The following CCDC88C variants were observed in gnomAD, a reference collection of about 807,000 sequenced individuals.
CCDC88C encodes coiled-coil and HOOK domain protein 88C.
A neutral mutation model predicts 198.8 loss-of-function variants in CCDC88C; 131 were observed. The ratio of observed to expected loss-of-function variants is 0.66; its 90% CI spans 0.57 to 0.76. The LOEUF (loss-of-function observed/expected upper bound fraction) is 0.76. Among genes scored for constraint, CCDC88C ranks in the 30% least tolerant of loss-of-function variants. The probability of loss-of-function intolerance (pLI) is 0.00; values close to 1 mark genes in which losing one functional copy is unlikely to be tolerated. For missense variants in CCDC88C, 2,553 were observed against 2,631.6 expected, an observed-to-expected ratio of 0.97 and a Z score of 0.65; for synonymous variants, 1,166 against 1,114.7, an observed-to-expected ratio of 1.05 and a Z score of -0.92.
chr14:91,332,538 C>G (rs1892880388), intron 10 of CCDC88C, among the ~76,000 whole-genome samples: 1 of 152,200 alleles, frequency 6.6e-6, no homozygotes, highest in Admixed American at 6.5e-5. Flanking sequence ...CTTGTCCTCC[C>G]ACATGGCAGG....
intron 19 of CCDC88C, among the ~76,000 whole-genome samples, chr14:91,305,524 G>C (rs2139785676): frequency 6.6e-6 from 1 of 152,264 alleles, no homozygotes; most frequent in East Asian, 1.9e-4. Flanking sequence ...CAAGTAAAAG[G>C]AGAGAAATGA....
chr14:91,363,315 T>A (rs555071653), intron 3 of CCDC88C, among the ~76,000 whole-genome samples: 8 of 151,800 alleles, frequency 5.3e-5, no homozygotes, highest in African/African-American at 1.9e-4. Context: ...TTCACCATGT[T>A]GCCCAGGCTA....
At chr14:91,322,870 C>T (rs936904082) in intron 12 of CCDC88C, among the ~76,000 whole-genome samples, 1 of 150,884 alleles carries the variant, frequency 6.6e-6, no homozygotes, top group Non-Finnish European at 1.5e-5. Context: ...ATTAAAACGA[C>T]ACAATGGTTT....
chr14:91,412,593 C>G (rs1886846791), intron 2 of CCDC88C, among the ~76,000 whole-genome samples: 1 of 152,104 alleles, frequency 6.6e-6, no homozygotes, highest in African/African-American at 2.4e-5. Context: ...CGCCACCACG[C>G]CTGGCTAATT....
chr14:91,321,976 AG>A (rs929933431), intron 12 of CCDC88C, among the ~76,000 whole-genome samples: 1 of 152,154 alleles, frequency 6.6e-6, no homozygotes, highest in African/African-American at 2.4e-5. Flanking sequence ...AGAAGGGAAG[AG>A]TCTTGAGTCA....
At position 91,289,174 on chromosome 14, in the gene CCDC88C, G is replaced by A. The variant is rs757901630; in HGVS notation, c.4372C>T (p.Pro1458Ser). ...SQPLRSQAEN[P>S]DTPALGSNCA... The stretch of plus-strand genomic sequence containing the variant: ...TTGGAGCCCAGTGCGGGGGTGTCGG[G>A]GTTCTCGGCCTGTGATCTGAGCGGC... Residue 1458 changes from proline (P) to serine (S), a missense_variant, in exon 25 of 30, where the codon CCC becomes TCC. By Grantham distance (74) the Pro-to-Ser change is moderately conservative. Coordinates refer to ENST00000389857, the MANE Select transcript of CCDC88C (RefSeq NM_001080414.4). 3.7e-6 allele frequency: 6 copies of A among 1,613,778 alleles called. No homozygotes were observed. The East Asian group carries it at 1.3e-4, about 36-fold the overall frequency.
intron 26 of CCDC88C, among the ~76,000 whole-genome samples, chr14:91,282,334 C>T (rs1003655809): frequency 2.6e-5 from 4 of 152,190 alleles, no homozygotes; most frequent in Admixed American, 6.5e-5. Context: ...TCTCAGACTT[C>T]CAACACCCCA....
intron 10 of CCDC88C, among the ~76,000 whole-genome samples, chr14:91,327,780 G>T (rs1369822073): frequency 6.6e-6 from 1 of 152,190 alleles, no homozygotes; most frequent in African/African-American, 2.4e-5. Flanking sequence ...CAGCGTTCCA[G>T]CAGGGTCCAC....
In CCDC88C at chr14:91,281,527, T is replaced by C; in HGVS notation, c.4631-2A>G. The C allele has an allele frequency of 6.2e-7, 1 of 1,613,636 alleles. No individual in the cohort carries two copies. The highest frequency in any genetic ancestry group is 8.5e-7 in the Non-Finnish European group (1 of 1,179,690). On this transcript the variant is annotated splice_acceptor_variant, in intron 26 of 29. Transcript: ENST00000389857. LOFTEE classifies it high-confidence loss of function. ...AGAGGTTGTCATCTGAGTTATAGCC[T>C]AAGGTGAAAATAAGGCTAGTGAGTC...
Position 91,371,493 on chromosome 14 carries a change from C to T in CCDC88C, c.271-11782G>A, listed in dbSNP as rs1439940668. Among the ~76,000 whole-genome samples the T allele has an allele frequency of 6.6e-6, 1 of 152,026 alleles. No homozygotes were observed. The highest frequency in any genetic ancestry group is 2.1e-4 in the South Asian group (1 of 4,808). On this transcript the variant is annotated intron_variant, in intron 3 of 29. Coordinates refer to ENST00000389857, the MANE Select transcript of CCDC88C (RefSeq NM_001080414.4). The surrounding 1 kb of genome is among the most constrained non-coding windows in gnomAD (Gnocchi z 4.2). ...CCGCCGGTGGCAGGAGTACAGAGGCCGGCGGTGGCAGGAGTACAGCACAGA... is the reference window on the plus strand; with the variant it reads ...CCGCCGGTGGCAGGAGTACAGAGGCTGGCGGTGGCAGGAGTACAGCACAGA...
chr14:91,300,627 T>G (rs1891232564), intron 20 of CCDC88C, among the ~76,000 whole-genome samples: 1 of 152,104 alleles, frequency 6.6e-6, no homozygotes, highest in Non-Finnish European at 1.5e-5. Flanking sequence ...AGGGACTAGT[T>G]GTCACATACA....
intron 4 of CCDC88C, among the ~76,000 whole-genome samples, chr14:91,349,813 T>G (rs1220895969): frequency 1.3e-5 from 2 of 152,208 alleles, no homozygotes; most frequent in Non-Finnish European, 2.9e-5. Flanking sequence ...AAAGGGAAAC[T>G]GCCTGATAGC....
At chr14:91,317,753 C>G (rs1320044252) in intron 13 of CCDC88C, among the ~76,000 whole-genome samples, 1 of 152,172 alleles carries the variant, frequency 6.6e-6, no homozygotes, top group African/African-American at 2.4e-5. Context: ...CAAGACAGGG[C>G]CTCCCGAGGG....
intron 3 of CCDC88C, among the ~76,000 whole-genome samples, chr14:91,374,880 T>C (rs1211505209): frequency 3.3e-5 from 5 of 152,132 alleles, no homozygotes; most frequent in Non-Finnish European, 7.4e-5. Context: ...AGGCCAGATC[T>C]GGGCTCAGAG....
chr14:91,300,557 G>A (rs1891230677), intron 20 of CCDC88C, among the ~76,000 whole-genome samples: 1 of 152,178 alleles, frequency 6.6e-6, no homozygotes, highest in Non-Finnish European at 1.5e-5. Context: ...TTAGGAGCCT[G>A]CATCCACTTG....
chr14:91,382,814 A>T (rs1884888639), intron 3 of CCDC88C, among the ~76,000 whole-genome samples: 1 of 152,186 alleles, frequency 6.6e-6, no homozygotes. Flanking sequence ...TCTCTGCTTT[A>T]TCTCCTGCAA....
At chr14:91,359,551 A>T (rs2139903187) in intron 4 of CCDC88C, 91 bp downstream of exon 4, 1 of 997,332 alleles carries the variant, frequency 1.0e-6, no homozygotes, top group African/African-American at 1.6e-5. Context: ...TGCTGGCCCA[A>T]GCTGGCAGCC....
rs1355603596 is a variant in CCDC88C, at chr14:91,371,706, G to A, written c.271-11995C>T. Among the ~76,000 whole-genome samples, 2 of 152,202 alleles carry A rather than the reference G, an allele frequency of 1.3e-5. No homozygotes were observed. Among genetic ancestry groups the A allele is most frequent in the African/African-American group, 4.8e-5 (2 of 41,444 alleles). On this transcript the variant is annotated intron_variant, in intron 3 of 29. Coordinates refer to ENST00000389857, the MANE Select transcript of CCDC88C (RefSeq NM_001080414.4). This position sits in a 1 kb window ranked among gnomAD's most constrained non-coding sequence, Gnocchi z 4.2. Reference sequence around the variant, plus strand: ...TCGTCCCAGCAAGTAGCTGGGCTGGGGGAACGTGGCGCCTGCCCACACAGT... The same window carrying A: ...TCGTCCCAGCAAGTAGCTGGGCTGGAGGAACGTGGCGCCTGCCCACACAGT...
At position 91,339,093 on chromosome 14, in the gene CCDC88C, T is replaced by A; in HGVS notation, c.809+185A>T. On this transcript the variant is annotated intron_variant, in intron 8 of 29. Coordinates refer to ENST00000389857, the MANE Select transcript of CCDC88C (RefSeq NM_001080414.4). This position sits in a 1 kb window ranked among gnomAD's most constrained non-coding sequence, Gnocchi z 5.8. ...CGGGAAGAATCCCCGCCCCCATCCC[T>A]GTGCAGGCCTCAGAAGGGGAGGCAG... 1 of 710,858 alleles carries A rather than the reference T, an allele frequency of 1.4e-6. No homozygotes were observed. Among genetic ancestry groups the A allele is most frequent in the South Asian group, 1.6e-5 (1 of 64,014 alleles). 44.0% of individuals were successfully genotyped at this position (710,858 alleles called of 1,614,324 possible).
Sources: gnomAD v4.1 joint callset for allele counts (sites outside exome capture counted in the v4.1 genomes callset) on GRCh38, gnomAD v4.1.1 for gene constraint, Gnocchi (gnomAD v3.1) non-coding constraint, MANE v1.5 for transcripts, NCBI Gene and HGNC (gene_info 2026-07-23, HGNC 2026-07-21) for gene names.